Variants in BCL7B observed in about 807,000 individuals in gnomAD.
The protein encoded by BCL7B is BAF chromatin remodeling complex subunit BCL7B, also known as B-cell CLL/lymphoma 7 protein family member B.
Under a neutral mutation model 26.5 loss-of-function variants are expected in BCL7B, and 11 were observed. That is an observed-to-expected ratio of 0.42 (90% CI 0.26 to 0.69). The LOEUF is 0.69. Ranked by LOEUF, BCL7B falls within the 30% of genes least tolerant of loss-of-function variation. The probability of loss-of-function intolerance (pLI) is 0.28; values close to 1 mark genes in which losing one functional copy is unlikely to be tolerated. For synonymous variants in BCL7B, 111 were observed against 107.9 expected (o/e 1.03, Z -0.18); for missense variants, 215 against 264.4 (o/e 0.81, Z 1.30).
intron 2 of BCL7B, among the ~76,000 whole-genome samples, chr7:73,548,953 A>AC (rs1554583776): frequency 6.6e-6 from 1 of 152,174 alleles, no homozygotes; most frequent in Non-Finnish European, 1.5e-5. Context: ...AAACAAACAA[A>AC]AAAAACTCCA....
At chr7:73,553,737 T>G (rs2115824781) in intron 1 of BCL7B, 1 of 154,506 alleles carries the variant, frequency 6.5e-6, no homozygotes, top group South Asian at 2.0e-4. Flanking sequence ...AGTTCAAAGC[T>G]TTGTAGAAAT....
chr7:73,548,574 AT>A (rs1554583712), intron 2 of BCL7B, among the ~76,000 whole-genome samples: 1 of 151,950 alleles, frequency 6.6e-6, no homozygotes, highest in African/African-American at 2.4e-5. Flanking sequence ...CCGAGATTAC[AT>A]CACTGCATTC....
intron 1 of BCL7B, 34 bp from the exon 2 acceptor site, chr7:73,552,276 C>G: frequency 6.5e-7 from 1 of 1,532,908 alleles, no homozygotes; most frequent in Non-Finnish European, 9.0e-7. Flanking sequence ...ACGGATAAAA[C>G]AATGCAATGT....
Position 73,537,261 on chromosome 7 carries a change from T to TA in BCL7B, c.*36dup, listed in dbSNP as rs782738627. ...GCGGCCAGAACCAGAATGCAATAAA[T>TA]AGAGGCAGGGCCAGGAGGCGGAGGG... On this transcript the variant is annotated 3_prime_UTR_variant, in exon 6 of 6. Transcript: ENST00000223368. The TA allele has an allele frequency of 1.9e-6, 3 of 1,605,426 alleles. No homozygotes were observed. Among genetic ancestry groups the TA allele is most frequent in the African/African-American group, 2.7e-5 (2 of 74,724 alleles).
At chr7:73,544,426 T>C (rs541209953) in intron 2 of BCL7B, among the ~76,000 whole-genome samples, 1 of 145,892 alleles carries the variant, frequency 6.9e-6, no homozygotes, top group Non-Finnish European at 1.5e-5. Context: ...AAACATAAAA[T>C]AAAACAAAAA....
chr7:73,542,763 T>A (rs1426860067), intron 3 of BCL7B: 1 of 293,568 alleles, frequency 3.4e-6, no homozygotes, highest in African/African-American at 2.2e-5. Flanking sequence ...CGGCTTTGGG[T>A]AGCCTACTCT....
At chr7:73,550,213 A>G (rs1222131842) in intron 2 of BCL7B, among the ~76,000 whole-genome samples, 6 of 152,220 alleles carry the variant, frequency 3.9e-5, no homozygotes, top group African/African-American at 9.6e-5. Context: ...GTCAAAGGTA[A>G]TAATTCTATT....
intron 2 of BCL7B, among the ~76,000 whole-genome samples, chr7:73,551,339 G>A (rs1357860824): frequency 2.0e-5 from 3 of 152,104 alleles, no homozygotes; most frequent in Non-Finnish European, 2.9e-5. Flanking sequence ...TCACACTGTT[G>A]CCCAGGCTGG....
intron 1 of BCL7B, among the ~76,000 whole-genome samples, chr7:73,556,351 T>C (rs969609596): frequency 9.9e-5 from 15 of 151,976 alleles, no homozygotes; most frequent in African/African-American, 3.6e-4. Flanking sequence ...TGAACTTTTA[T>C]TTTCTGTAGA....
rs1563420297 is a variant in BCL7B at position 73,537,261 on chromosome 7, T to G, written c.*37A>C. On this transcript the variant is annotated 3_prime_UTR_variant, in exon 6 of 6. Coordinates refer to ENST00000223368, the MANE Select transcript of BCL7B (RefSeq NM_001707.4). ...GCGGCCAGAACCAGAATGCAATAAATAGAGGCAGGGCCAGGAGGCGGAGGG... is the reference window on the plus strand; with the variant it reads ...GCGGCCAGAACCAGAATGCAATAAAGAGAGGCAGGGCCAGGAGGCGGAGGG... 6.2e-7 allele frequency: 1 copy of G among 1,605,544 alleles called. No homozygotes were observed. The highest frequency in any genetic ancestry group is 1.7e-5 in the Admixed American group (1 of 59,868).
At chr7:73,548,247 G>A (rs562434759) in intron 2 of BCL7B, among the ~76,000 whole-genome samples, 2 of 152,054 alleles carry the variant, frequency 1.3e-5, no homozygotes, top group East Asian at 1.9e-4. Flanking sequence ...GGCCAACATG[G>A]TAAAACCCTG....
chr7:73,549,680 A>T (rs1410739940), intron 2 of BCL7B, among the ~76,000 whole-genome samples: 3 of 152,220 alleles, frequency 2.0e-5, no homozygotes, highest in Non-Finnish European at 4.4e-5. Context: ...AAGAAAAAAA[A>T]TTAGCTGGGC....
chr7:73,539,921 C>G lies in BCL7B; in HGVS notation c.397G>C (p.Asp133His). 1 of 1,613,970 alleles carries G rather than the reference C, an allele frequency of 6.2e-7. No homozygotes were observed. Among genetic ancestry groups the G allele is most frequent in the Non-Finnish European group, 8.5e-7 (1 of 1,180,006 alleles). ...PAHTSDFRTD[D>H]SQPPTLGQEI... ...TGGCCCAGCGTTGGGGGCTGGGAGTCATCCGTGCGGAAGTCGGAGGTGTGT... is the reference window on the plus strand; with the variant it reads ...TGGCCCAGCGTTGGGGGCTGGGAGTGATCCGTGCGGAAGTCGGAGGTGTGT... Residue 133 changes from aspartate (D) to histidine (H), a missense_variant, in exon 4 of 6, where the codon GAC (aspartate) becomes CAC (histidine). Physicochemically the swap from Asp to His is moderately conservative, Grantham distance 81. Transcript: ENST00000223368.
intron 3 of BCL7B, 66 bp from the exon 4 acceptor site, chr7:73,540,118 C>T (rs782701354): frequency 1.5e-5 from 23 of 1,542,086 alleles, no homozygotes; most frequent in Non-Finnish European, 2.0e-5. Flanking sequence ...GAACTCTGGA[C>T]AGAGCCAAGG....
chr7:73,548,988 G>A (rs1296561764), intron 2 of BCL7B, among the ~76,000 whole-genome samples: 2 of 152,096 alleles, frequency 1.3e-5, no homozygotes, highest in Non-Finnish European at 2.9e-5. Context: ...TGTTTCTGGT[G>A]GGAATATAAA....
In BCL7B at chr7:73,536,990, C is replaced by G; in HGVS notation, c.*308G>C. The G allele has an allele frequency of 3.4e-6, 1 of 294,234 alleles. No individual in the cohort carries two copies. Among genetic ancestry groups the G allele is most frequent in the East Asian group, 6.2e-5 (1 of 16,032 alleles). 18.2% of individuals were successfully genotyped at this position (294,234 alleles called of 1,614,324 possible). A position where few individuals can be genotyped will look rare whatever the true frequency, so the allele number is the denominator to read the frequency against. On this transcript the variant is annotated 3_prime_UTR_variant, in exon 6 of 6. Transcript: ENST00000223368. ...TCGCAGAAGCTGCCAGCAGCTCCGT[C>G]CAGAGATTCTGGAGCAGAGACTGCT...
intron 1 of BCL7B, 113 bp downstream of exon 1, chr7:73,557,374 G>T: frequency 9.6e-7 from 1 of 1,045,998 alleles, no homozygotes. Context: ...GCCTTCTCCC[G>T]CACCCCCCTC....
intron 1 of BCL7B, 23 bp downstream of exon 1, chr7:73,557,463 GC>G: frequency 1.5e-6 from 2 of 1,325,530 alleles, no homozygotes; most frequent in Non-Finnish European, 2.0e-6. Context: ...ACCCCCGCCA[GC>G]CCCCTAAGCT....
Position 73,537,533 on chromosome 7 carries a change from A to G in BCL7B, c.517-143T>C. The G allele has an allele frequency of 1.6e-5, 10 of 642,200 alleles. No individual in the cohort carries two copies. In the South Asian group the frequency reaches 1.9e-4, roughly 12 times the overall value. 39.8% of individuals were successfully genotyped at this position (642,200 alleles called of 1,614,324 possible). The stretch of plus-strand genomic sequence containing the variant: ...TCCCCTGCCTACAACCCTGGGACTC[A>G]TTTCCGGCGCTGCAGATCCAACCCC... On this transcript the variant is annotated intron_variant, in intron 5 of 5. Transcript: ENST00000223368.
Sources: gnomAD v4.1 joint callset for allele counts (sites outside exome capture counted in the v4.1 genomes callset) on GRCh38, gnomAD v4.1.1 for gene constraint, MANE v1.5 for transcripts, NCBI Gene and HGNC (gene_info 2026-07-23, HGNC 2026-07-21) for gene names.